CCND3: variants seen among roughly 807,000 people sequenced by gnomAD.
CCND3 encodes the protein cyclin D3, also known as G1/S-specific cyclin-D3.
In CCND3, 9 loss-of-function variants were observed where a neutral mutation model predicts 28.7. That is an observed-to-expected ratio of 0.31 (90% CI 0.19 to 0.55). The LOEUF is 0.55. Among genes scored for constraint, CCND3 ranks in the 20% least tolerant of loss-of-function variants. CCND3 has a pLI of 0.93. For synonymous variants in CCND3, 164 were observed against 163.9 expected, an observed-to-expected ratio of 1.00 and a Z score of 0.00; for missense variants, 315 against 385.8, an observed-to-expected ratio of 0.82 and a Z score of 1.54.
At chr6:41,957,270 G>A (rs553961718) in intron 1 of CCND3, among the ~76,000 whole-genome samples, 3 of 152,220 alleles carry the variant, frequency 2.0e-5, no homozygotes, top group Admixed American at 1.3e-4. Flanking sequence ...CACTCCTTTC[G>A]TCTTCAGTCC....
chr6:41,937,741 G>A (rs1276166348), intron 2 of CCND3: 4 of 299,092 alleles, frequency 1.3e-5, no homozygotes, highest in Admixed American at 4.6e-5. Flanking sequence ...GCTGAAAGAC[G>A]GAAGCAGCAG....
At chr6:41,973,772 A>G (rs1762095475) in intron 1 of CCND3, among the ~76,000 whole-genome samples, 2 of 152,372 alleles carry the variant, frequency 1.3e-5, no homozygotes, top group South Asian at 2.1e-4. Context: ...CTGTACAATC[A>G]TGGACAGTTA....
At chr6:41,968,344 T>C (rs1431734396) in intron 1 of CCND3, among the ~76,000 whole-genome samples, 2 of 152,194 alleles carry the variant, frequency 1.3e-5, no homozygotes, top group African/African-American at 4.8e-5. Flanking sequence ...ATAGAAAAAG[T>C]TTATAATCAA....
chr6:42,019,523 A>G (rs1471761024), intron 1 of CCND3, among the ~76,000 whole-genome samples: 1 of 151,532 alleles, frequency 6.6e-6, no homozygotes, highest in Non-Finnish European at 1.5e-5. Context: ...AGGAAATATA[A>G]CACCAGGCAT....
rs1006205852 is a variant in CCND3 at position 41,939,367 on chromosome 6, A to G, written c.414+1003T>C. Among the ~76,000 whole-genome samples, 1 of 152,128 alleles carries G rather than the reference A, an allele frequency of 6.6e-6. No homozygotes were observed. The highest frequency in any genetic ancestry group is 6.6e-5 in the Admixed American group (1 of 15,264). On this transcript the variant is annotated intron_variant, in intron 2 of 4. Coordinates refer to ENST00000372991, the MANE Select transcript of CCND3 (RefSeq NM_001760.5). The surrounding 1 kb of genome is among the most constrained non-coding windows in gnomAD (Gnocchi z 4.2). Reference sequence around the variant, plus strand: ...CTTGGCCCGCCACAGAGCAAGGTGGAGGAAGGTGCCAGCTCACCCACCCTC... The same window carrying G: ...CTTGGCCCGCCACAGAGCAAGGTGGGGGAAGGTGCCAGCTCACCCACCCTC...
chr6:41,951,541 G>GACAC lies in CCND3; in HGVS notation c.-45-10960_-45-10957dup, dbSNP rs1268678641. ...CATGTCACTGCACTCCAGCCTGAGC[G>GACAC]ACACACACACACACACACACACACA... On this transcript the variant is annotated intron_variant, in intron 1 of 4. Coordinates refer to the CCND3 transcript ENST00000372988. Among the ~76,000 whole-genome samples the GACAC allele has an allele frequency of 1.1e-3, 83 of 78,060 alleles. 2 individuals carry two copies. In the East Asian group the frequency reaches 0.015, roughly 14 times the overall value. The allele number at this position is 78,060 out of a possible 152,430, so 51.2% of individuals were successfully genotyped here.
intron 1 of CCND3, among the ~76,000 whole-genome samples, chr6:42,005,974 G>A (rs1716889058): frequency 6.6e-6 from 1 of 151,696 alleles, no homozygotes; most frequent in South Asian, 2.1e-4. Flanking sequence ...GAGCAACCGC[G>A]CCCAGCCTGA....
chr6:41,946,086 C>A (rs901917178), upstream of CCND3, among the ~76,000 whole-genome samples: 5 of 152,108 alleles, frequency 3.3e-5, no homozygotes, highest in African/African-American at 4.8e-5. Flanking sequence ...TGGAGCCACA[C>A]CCCTCTGCCA....
rs182737548 is a variant in CCND3 at position 42,013,488 on chromosome 6, G to A, written c.-46+35013C>T. Among the ~76,000 whole-genome samples, 225 of 152,246 alleles carry A rather than the reference G, an allele frequency of 1.5e-3. 2 individuals are homozygous for A. The highest frequency in any genetic ancestry group is 5.1e-3 in the African/African-American group (213 of 41,548). ...CAACACCTAGAACAAACAAGTCTTG[G>A]CACATAGTAGACATTCAATAAATAC... On this transcript the variant is annotated intron_variant, in intron 1 of 4. Coordinates refer to the CCND3 transcript ENST00000372988.
At position 42,028,758 on chromosome 6, in the gene CCND3, G is replaced by A. The variant is rs190823993; in HGVS notation, c.-46+19743C>T. The stretch of plus-strand genomic sequence containing the variant: ...CTTCAGTTTCCTTATCTGCACAGTA[G>A]GGATAACAGGGCTGTTGAGAAGAAG... On this transcript the variant is annotated intron_variant, in intron 1 of 4. Coordinates refer to the CCND3 transcript ENST00000372988. 1.9e-3 allele frequency among the ~76,000 whole-genome samples: 296 copies of A among 152,316 alleles called. 1 individual carries two copies. The highest frequency in any genetic ancestry group is 5.8e-3 in the African/African-American group (243 of 41,574).
intron 1 of CCND3, among the ~76,000 whole-genome samples, chr6:41,992,260 T>G (rs577886208): frequency 6.6e-6 from 1 of 152,214 alleles, no homozygotes; most frequent in South Asian, 2.1e-4. Context: ...CCTCCTGGGT[T>G]CAAGAGATTC....
At chr6:41,951,478 C>T (rs1161031967) in intron 1 of CCND3, among the ~76,000 whole-genome samples, 3 of 144,406 alleles carry the variant, frequency 2.1e-5, no homozygotes, top group Non-Finnish European at 3.0e-5. Flanking sequence ...AGGAGAATGG[C>T]GTGAACCCGG....
upstream of CCND3, among the ~76,000 whole-genome samples, chr6:41,942,486 G>A (rs1776063836): frequency 6.6e-6 from 1 of 152,130 alleles, no homozygotes; most frequent in Non-Finnish European, 1.5e-5. Context: ...AAGTATGAGA[G>A]CTTTAGTCTA....
At chr6:41,951,729 G>A (rs1461709281) in intron 1 of CCND3, among the ~76,000 whole-genome samples, 2 of 151,772 alleles carry the variant, frequency 1.3e-5, no homozygotes, top group East Asian at 1.9e-4. Flanking sequence ...ATACTATTAG[G>A]TAGTAATAAT....
intron 1 of CCND3, among the ~76,000 whole-genome samples, chr6:42,027,167 C>T (rs1049232734): frequency 5.3e-5 from 8 of 152,144 alleles, no homozygotes; most frequent in African/African-American, 7.2e-5. Context: ...AGGCCGGGCG[C>T]GGTGGCTCAT....
intron 1 of CCND3, among the ~76,000 whole-genome samples, chr6:42,045,230 T>C (rs1287309222): frequency 9.9e-5 from 15 of 152,190 alleles, no homozygotes; most frequent in Admixed American, 9.8e-4. Context: ...GTTTGATATA[T>C]TAGGAAAGTC....
At position 42,038,825 on chromosome 6, in the gene CCND3, ATTC is replaced by A. The variant is rs1462439719; in HGVS notation, c.-46+9673_-46+9675del. Among the ~76,000 whole-genome samples the A allele has an allele frequency of 5.3e-5, 8 of 152,294 alleles. No individual in the cohort carries two copies. The South Asian group carries it at 6.2e-4, about 12-fold the overall frequency. On this transcript the variant is annotated intron_variant, in intron 1 of 4. Coordinates refer to the CCND3 transcript ENST00000372988. ...TCCGGAATAATTTCTCATCTAATCC[ATTC>A]TTCTTTTATCTCCTCAAATGGCACC...
At chr6:41,987,487 C>T (rs1008669744) in intron 1 of CCND3, among the ~76,000 whole-genome samples, 2 of 114,378 alleles carry the variant, frequency 1.7e-5, no homozygotes, top group Admixed American at 8.9e-5. Context: ...TTCTCTCTCT[C>T]TCTCTCTCTC....
At chr6:42,003,162 C>CAAAAAAAAAAAAAAAAAAAA (rs55721061) in intron 1 of CCND3, among the ~76,000 whole-genome samples, 1 of 110,348 alleles carries the variant, frequency 9.1e-6, no homozygotes, top group African/African-American at 3.4e-5. Context: ...AACAGCGTGT[C>CAAAAAAAAAAAAAAAAAAAA]AAAAAAAAAA....
Sources: allele counts gnomAD v4.1 joint callset (sites outside exome capture counted in the v4.1 genomes callset), GRCh38; gene constraint gnomAD v4.1.1; non-coding constraint Gnocchi (gnomAD v3.1); transcripts MANE v1.5; gene names NCBI Gene and HGNC (gene_info 2026-07-23, HGNC 2026-07-21).